The following CDC42SE1 variants were observed in gnomAD, a reference collection of about 807,000 sequenced individuals.
CDC42SE1 encodes CDC42 small effector 1.
A neutral mutation model predicts 10.9 loss-of-function variants in CDC42SE1; 10 were observed. The observed-to-expected ratio is 0.92, with a 90% CI of 0.57 to 1.56. The LOEUF (loss-of-function observed/expected upper bound fraction) is 1.56. Among genes scored for constraint, CDC42SE1 ranks in the 40% most tolerant of loss-of-function variants. The pLI is 0.00. For missense variants in CDC42SE1, 81 were observed against 100.8 expected (o/e 0.80, Z 0.84); for synonymous variants, 24 against 32.0 (o/e 0.75, Z 0.85).
At position 151,055,116 on chromosome 1, in the gene CDC42SE1, CTCT is replaced by C. The variant is rs756197253; in HGVS notation, c.62_64del (p.Lys21del). The stretch of plus-strand genomic sequence containing the variant: ...AATCATGGTCCGGTCAATCCGTCTT[CTCT>C]TCTTCTTCTGCTTGGAGAAGATAAG... On this transcript the variant is annotated inframe_deletion, in exon 3 of 5. Transcript: ENST00000357235. 1.8e-5 allele frequency: 29 copies of C among 1,612,578 alleles called. No homozygotes were observed. The highest frequency in any genetic ancestry group is 6.7e-5 in the African/African-American group (5 of 74,606).
intron 3 of CDC42SE1, 62 bp from the exon 4 acceptor site, chr1:151,054,383 C>G: frequency 7.6e-7 from 1 of 1,315,488 alleles, no homozygotes. Flanking sequence ...AAGAACTCTA[C>G]TTTGTGCCTT....
rs1295325002 is a variant in CDC42SE1, at chr1:151,052,777, G to A, written c.*567C>T. On this transcript the variant is annotated 3_prime_UTR_variant, in exon 5 of 5. Coordinates refer to ENST00000357235, the MANE Select transcript of CDC42SE1 (RefSeq NM_020239.4). Reference sequence around the variant, plus strand: ...AAAGAGACACTGGTGTTAGCAGAGAGATATTGAGGGGCTGTAAGCCTAAGG... The same window carrying A: ...AAAGAGACACTGGTGTTAGCAGAGAAATATTGAGGGGCTGTAAGCCTAAGG... 6.6e-6 allele frequency: 1 copy of A among 152,372 alleles called. No homozygotes were observed. The highest frequency in any genetic ancestry group is 2.1e-4 in the South Asian group (1 of 4,824). 9.4% of individuals were successfully genotyped at this position (152,372 alleles called of 1,614,324 possible).
chr1:151,055,475 G>GT (rs1676261458), intron 2 of CDC42SE1: 1 of 618,168 alleles, frequency 1.6e-6, no homozygotes, highest in Non-Finnish European at 2.9e-6. Context: ...GGAACAGGAG[G>GT]TAATAGCTAG....
intron 3 of CDC42SE1, 127 bp downstream of exon 3, chr1:151,054,889 A>G: frequency 1.5e-6 from 1 of 681,390 alleles, no homozygotes; most frequent in Non-Finnish European, 2.6e-6. Context: ...ACTGGTGACC[A>G]GGACTAGAAT....
Position 151,051,392 on chromosome 1 carries a change from T to A in CDC42SE1, c.*1952A>T, listed in dbSNP as rs1289245930. 2.7e-4 allele frequency: 1 copy of A among 3,662 alleles called. No homozygotes were observed. The highest frequency in any genetic ancestry group is 4.9e-4 in the African/African-American group (1 of 2,054). The allele number at this position is 3,662 out of a possible 1,614,324, so 0.2% of individuals were successfully genotyped here. A position where few individuals can be genotyped will look rare whatever the true frequency, so the allele number is the denominator to read the frequency against. ...AAATGGCAGAAAATACATGGAAATT[T>A]GAAAAAAAAAAAAAAAAAAAAAAAA... On this transcript the variant is annotated 3_prime_UTR_variant, in exon 5 of 5. Transcript: ENST00000357235.
chr1:151,053,054 G>C lies in CDC42SE1; in HGVS notation c.*290C>G, dbSNP rs1448755717. On this transcript the variant is annotated 3_prime_UTR_variant, in exon 5 of 5. Transcript: ENST00000357235. ...CAGGAACTCATTCCAGGTTCCTAGA[G>C]AACTCCTATCTCAGACCTGAGGGTT... 2.0e-5 allele frequency: 3 copies of C among 152,748 alleles called. No individual in the cohort carries two copies. The highest frequency in any genetic ancestry group is 7.2e-5 in the African/African-American group (3 of 41,450). 9.5% of individuals were successfully genotyped at this position (152,748 alleles called of 1,614,324 possible). A position where few individuals can be genotyped will look rare whatever the true frequency, so the allele number is the denominator to read the frequency against.
chr1:151,054,119 C>T, intron 4 of CDC42SE1, 112 bp downstream of exon 4: 1 of 744,062 alleles, frequency 1.3e-6, no homozygotes, highest in East Asian at 2.5e-5. Flanking sequence ...GCATAAGCCA[C>T]CATGCCCGGC....
At position 151,057,962 on chromosome 1, in the gene CDC42SE1, T is replaced by G. The variant is rs939287809; in HGVS notation, c.-264+1517A>C. The stretch of plus-strand genomic sequence containing the variant: ...TCAGTCATAGGGTTTGTCCTGATGG[T>G]GGTGGTGGCAGGTGGTAAGGGTTGG... On this transcript the variant is annotated intron_variant, in intron 1 of 4. Transcript: ENST00000357235. This position sits in a 1 kb window ranked among gnomAD's most constrained non-coding sequence, Gnocchi z 4.0. The G allele has an allele frequency of 6.6e-6, 1 of 152,082 alleles. No individual in the cohort carries two copies. The highest frequency in any genetic ancestry group is 1.5e-5 in the Non-Finnish European group (1 of 68,092). The allele number at this position is 152,082 out of a possible 1,614,324, so 9.4% of individuals were successfully genotyped here.
Position 151,053,985 on chromosome 1 carries a change from G to A in CDC42SE1, c.*16+246C>T, listed in dbSNP as rs191845692. ...GATGGGACTACAGGAGCACGCCACT[G>A]TGCCCGGCTAATTTTTGTATTTTTT... On this transcript the variant is annotated intron_variant, in intron 4 of 4. Coordinates refer to ENST00000357235, the MANE Select transcript of CDC42SE1 (RefSeq NM_020239.4). Among the ~76,000 whole-genome samples, 570 of 151,704 alleles carry A rather than the reference G, an allele frequency of 3.8e-3. 2 individuals are homozygous for A. The highest frequency in any genetic ancestry group is 0.013 in the African/African-American group (524 of 41,330).
At chr1:151,059,060 A>C (rs587696537) in intron 1 of CDC42SE1, 1 of 152,436 alleles carries the variant, frequency 6.6e-6, no homozygotes, top group East Asian at 1.9e-4. Context: ...TCCCCAGGAA[A>C]GGTCTTCTGG....
chr1:151,055,454 C>A (rs761833844), intron 2 of CDC42SE1: 23 of 605,912 alleles, frequency 3.8e-5, no homozygotes, highest in Non-Finnish European at 6.2e-5. Flanking sequence ...CCACCCAGCT[C>A]AGAATGGACA....
chr1:151,055,271 G>A, intron 2 of CDC42SE1, 145 bp from the exon 3 acceptor site: 1 of 637,522 alleles, frequency 1.6e-6, no homozygotes, highest in Non-Finnish European at 2.8e-6. Flanking sequence ...AATCACTAGG[G>A]CATGAAAGGC....
chr1:151,055,823 A>G lies in CDC42SE1; in HGVS notation c.-93T>C, dbSNP rs1266445244. 2 of 1,026,012 alleles carry G rather than the reference A, an allele frequency of 1.9e-6. No individual in the cohort carries two copies. Among genetic ancestry groups the G allele is most frequent in the Admixed American group, 1.9e-5 (1 of 51,400 alleles). The allele number at this position is 1,026,012 out of a possible 1,614,324, so 63.6% of individuals were successfully genotyped here. On this transcript the variant is annotated 5_prime_UTR_variant, in exon 2 of 5. Transcript: ENST00000357235. ...ACAACCCACTCCTCACTCTCCCCAG[A>G]TACACCACCACCCTGGGTTCACTCA...
rs74125062 is a variant in CDC42SE1, at chr1:151,054,877, C to T, written c.165+139G>A. The T allele has an allele frequency of 6.3e-3, 4,069 of 640,840 alleles. 102 individuals carry two copies. In the African/African-American group the frequency reaches 0.066, roughly 10 times the overall value. The allele number at this position is 640,840 out of a possible 1,614,324, so 39.7% of individuals were successfully genotyped here. A position where few individuals can be genotyped will look rare whatever the true frequency, so the allele number is the denominator to read the frequency against. On this transcript the variant is annotated intron_variant, in intron 3 of 4. Transcript: ENST00000357235. ...TAAAATGCCAGGTCTCGGGTTTCCA[C>T]AACTGGTGACCAGGACTAGAATCCC... is the stretch of plus-strand genomic sequence containing the variant.
chr1:151,056,989 C>A (rs1030957088), intron 1 of CDC42SE1, among the ~76,000 whole-genome samples: 1 of 152,200 alleles, frequency 6.6e-6, no homozygotes, highest in African/African-American at 2.4e-5. Context: ...ACATAAGGAA[C>A]TTTCCAATAG....
chr1:151,057,649 C>CT lies in CDC42SE1; in HGVS notation c.-263-1657dup, dbSNP rs1676307391. On this transcript the variant is annotated intron_variant, in intron 1 of 4. Transcript: ENST00000357235. The surrounding 1 kb of genome is among the most constrained non-coding windows in gnomAD (Gnocchi z 4.0). Reference sequence around the variant, plus strand: ...GCTACAGTGAGCCATGTTTGCACCCCTGCACTCCAGCCTGGGTGACAGGAC... The same window carrying CT: ...GCTACAGTGAGCCATGTTTGCACCCCTTGCACTCCAGCCTGGGTGACAGGAC... The CT allele has an allele frequency of 6.6e-6, 1 of 151,812 alleles. No individual in the cohort carries two copies. Among genetic ancestry groups the CT allele is most frequent in the Non-Finnish European group, 1.5e-5 (1 of 68,258 alleles). The allele number at this position is 151,812 out of a possible 1,614,324, so 9.4% of individuals were successfully genotyped here. A position where few individuals can be genotyped will look rare whatever the true frequency, so the allele number is the denominator to read the frequency against.
chr1:151,054,958 AAG>A, intron 3 of CDC42SE1, 56 bp downstream of exon 3: 2 of 1,263,286 alleles, frequency 1.6e-6, no homozygotes, highest in Admixed American at 1.8e-5. Context: ...AACTTTCAAA[AAG>A]AGGGAACGGT....
chr1:151,055,457 A>C, intron 2 of CDC42SE1: 1 of 606,872 alleles, frequency 1.6e-6, no homozygotes. Flanking sequence ...CCCAGCTCAG[A>C]ATGGACAGGA....
At position 151,055,663 on chromosome 1, in the gene CDC42SE1, G is replaced by GT; in HGVS notation, c.54+13dup. On this transcript the variant is annotated intron_variant, in intron 2 of 4. Transcript: ENST00000357235. ...ACTGCTCTTTGGGTTAGGATGGGGG[G>GT]TGGGGAGACTCACCGGCTGGGGTTT... 1 of 1,607,646 alleles carries GT rather than the reference G, an allele frequency of 6.2e-7. No homozygotes were observed. The highest frequency in any genetic ancestry group is 8.5e-7 in the Non-Finnish European group (1 of 1,174,724).
Sources: allele counts gnomAD v4.1 joint callset (sites outside exome capture counted in the v4.1 genomes callset), GRCh38; gene constraint gnomAD v4.1.1; non-coding constraint Gnocchi (gnomAD v3.1); transcripts MANE v1.5; gene names NCBI Gene and HGNC (gene_info 2026-07-23, HGNC 2026-07-21).